Variants in EYS observed in about 807,000 individuals in gnomAD.
EYS encodes protein eyes shut homolog.
A neutral mutation model predicts 282.1 loss-of-function variants in EYS; 250 were observed. The ratio of observed to expected loss-of-function variants is 0.89; its 90% CI spans 0.80 to 0.98. The LOEUF is 0.98. Ranked by LOEUF, EYS falls within the 50% of genes least tolerant of loss-of-function variation. The pLI is 0.00. For missense variants in EYS, 4,016 were observed against 3,709.0 expected, an observed-to-expected ratio of 1.08 and a Z score of -2.15; for synonymous variants, 1,355 against 1,282.9, an observed-to-expected ratio of 1.06 and a Z score of -1.20.
intron 37 of EYS, among the ~76,000 whole-genome samples, chr6:63,800,889 G>A (rs1770768074): frequency 6.6e-6 from 1 of 152,232 alleles, no homozygotes; most frequent in Non-Finnish European, 1.5e-5. Context: ...CAGTGTTTTG[G>A]AGGCATGCCT....
At chr6:64,580,712 C>A (rs746594639) in intron 26 of EYS, among the ~76,000 whole-genome samples, 1 of 151,910 alleles carries the variant, frequency 6.6e-6, no homozygotes, top group East Asian at 1.9e-4. Flanking sequence ...ATTTTTTAAA[C>A]CTCTGAAAAT....
At chr6:65,465,970 CAA>C (rs1764983663) in intron 5 of EYS, among the ~76,000 whole-genome samples, 2 of 50,574 alleles carry the variant, frequency 4.0e-5, no homozygotes, top group African/African-American at 1.5e-4. Context: ...GACCCTGTAT[CAA>C]TCAATCAATC....
At chr6:64,823,551 C>T (rs1310024673) in intron 19 of EYS, among the ~76,000 whole-genome samples, 1 of 151,722 alleles carries the variant, frequency 6.6e-6, no homozygotes, top group African/African-American at 2.4e-5. Flanking sequence ...ATTTCTTTGC[C>T]CATTACATCC....
chr6:64,931,348 T>C (rs969158125), intron 15 of EYS, among the ~76,000 whole-genome samples: 4 of 152,240 alleles, frequency 2.6e-5, no homozygotes, highest in African/African-American at 9.6e-5. Context: ...TTTATTAGAA[T>C]AACTCTTCAC....
At chr6:64,610,634 C>G (rs1192101202) in intron 24 of EYS, among the ~76,000 whole-genome samples, 1 of 152,028 alleles carries the variant, frequency 6.6e-6, no homozygotes, top group African/African-American at 2.4e-5. Flanking sequence ...AAACTTCTGA[C>G]CTCAAGTGAT....
chr6:64,070,104 C>T (rs1771519332), intron 32 of EYS, among the ~76,000 whole-genome samples: 1 of 152,030 alleles, frequency 6.6e-6, no homozygotes, highest in South Asian at 2.1e-4. Context: ...GGAACATTTT[C>T]ATAACTTTTT....
chr6:65,112,173 C>T (rs951785593), intron 12 of EYS, among the ~76,000 whole-genome samples: 13 of 152,156 alleles, frequency 8.5e-5, no homozygotes, highest in Non-Finnish European at 1.6e-4. Context: ...TTCTTTGATA[C>T]TGGATACTAA....
chr6:63,734,690 G>A (rs1768866349), intron 41 of EYS, among the ~76,000 whole-genome samples: 1 of 152,078 alleles, frequency 6.6e-6, no homozygotes, highest in Non-Finnish European at 1.5e-5. Flanking sequence ...AAACTAGAAG[G>A]ATAATGTTGT....
chr6:65,499,413 G>A (rs530787999), intron 2 of EYS, among the ~76,000 whole-genome samples: 1 of 152,028 alleles, frequency 6.6e-6, no homozygotes, highest in South Asian at 2.1e-4. Flanking sequence ...GCACTCAATA[G>A]ACAATATTAT....
chr6:64,427,002 A>G (rs1774433496), intron 28 of EYS, among the ~76,000 whole-genome samples: 1 of 152,208 alleles, frequency 6.6e-6, no homozygotes, highest in Non-Finnish European at 1.5e-5. Context: ...AAAAAAAACT[A>G]GATCATTGTT....
chr6:64,755,800 C>T (rs1254998937), intron 22 of EYS, among the ~76,000 whole-genome samples: 1 of 152,020 alleles, frequency 6.6e-6, no homozygotes, highest in African/African-American at 2.4e-5. Flanking sequence ...ACAATATACA[C>T]TATTCAGATG....
At chr6:63,864,422 A>G (rs1367982380) in intron 35 of EYS, 64 bp from the exon 36 acceptor site, 8 of 1,196,098 alleles carry the variant, frequency 6.7e-6, no homozygotes, top group Non-Finnish European at 9.5e-6. Flanking sequence ...ACACATACAC[A>G]TATATACACA....
At chr6:64,140,574 G>A (rs1173174941) in intron 31 of EYS, among the ~76,000 whole-genome samples, 1 of 152,144 alleles carries the variant, frequency 6.6e-6, no homozygotes, top group East Asian at 1.9e-4. Context: ...AGAGATGAGT[G>A]GGAAGGAGCA....
rs146916383 is a variant in EYS at position 65,373,393 on chromosome 6, A to G, written c.1299+10993T>C. ...AATACCACATCACCTTTTGCCATCT[A>G]AATGGCTCCCCTCCCTTATGCTTTC... On this transcript the variant is annotated intron_variant, in intron 8 of 42. Transcript: ENST00000503581. 2.9e-3 allele frequency among the ~76,000 whole-genome samples: 440 copies of G among 152,190 alleles called. 4 individuals carry two copies. The highest frequency in any genetic ancestry group is 0.01 in the African/African-American group (427 of 41,534).
chr6:63,768,391 AAC>A (rs902918039), intron 40 of EYS, among the ~76,000 whole-genome samples: 7 of 152,058 alleles, frequency 4.6e-5, no homozygotes, highest in African/African-American at 1.7e-4. Flanking sequence ...GAAAACAGAC[AAC>A]CCCATTAAAA....
chr6:64,949,387 A>G (rs1769402379), intron 14 of EYS, among the ~76,000 whole-genome samples: 1 of 151,722 alleles, frequency 6.6e-6, no homozygotes, highest in Admixed American at 6.6e-5. Flanking sequence ...CTCAGATCTC[A>G]TTTTCTTGCT....
chr6:65,400,672 C>G (rs1766459862), intron 7 of EYS, among the ~76,000 whole-genome samples: 1 of 151,928 alleles, frequency 6.6e-6, no homozygotes, highest in Non-Finnish European at 1.5e-5. Context: ...GTTTCACTGT[C>G]TTTCTCAGGG....
chr6:64,407,747 T>C (rs549526387), intron 28 of EYS, among the ~76,000 whole-genome samples: 5 of 152,324 alleles, frequency 3.3e-5, no homozygotes, highest in East Asian at 1.9e-4. Flanking sequence ...ATTATTATTT[T>C]AGAGGTGGAG....
At chr6:63,789,007 A>G in intron 38 of EYS, 51 bp downstream of exon 38, 1 of 1,524,260 alleles carries the variant, frequency 6.6e-7, no homozygotes, top group Non-Finnish European at 8.9e-7. Context: ...CAGATCTGAC[A>G]ATATACTAGT....
Sources: gnomAD v4.1 joint callset for allele counts (sites outside exome capture counted in the v4.1 genomes callset) on GRCh38, gnomAD v4.1.1 for gene constraint, MANE v1.5 for transcripts, NCBI Gene and HGNC (gene_info 2026-07-23, HGNC 2026-07-21) for gene names.